The following ZSWIM9 variants were observed in gnomAD, a reference collection of about 807,000 sequenced individuals.
ZSWIM9 encodes uncharacterized protein ZSWIM9.
In ZSWIM9, 11 loss-of-function variants were observed where a neutral mutation model predicts 25.0. The ratio of observed to expected loss-of-function variants is 0.44; its 90% CI spans 0.28 to 0.73. The LOEUF (loss-of-function observed/expected upper bound fraction) is 0.73. ZSWIM9 is among the 30% of genes least tolerant of loss of function. The pLI, the probability that ZSWIM9 is intolerant of heterozygous loss-of-function variation, is 0.16. For missense variants in ZSWIM9, 1,070 were observed against 1,296.5 expected (o/e 0.83, Z 2.68); for synonymous variants, 562 against 582.1 (o/e 0.97, Z 0.50).
intron 2 of ZSWIM9, among the ~76,000 whole-genome samples, chr19:48,177,621 G>A (rs991842801): frequency 6.6e-6 from 1 of 152,178 alleles, no homozygotes; most frequent in African/African-American, 2.4e-5. Context: ...TCTCTGGCAA[G>A]ATTCATGGCT....
intron 2 of ZSWIM9, among the ~76,000 whole-genome samples, chr19:48,180,036 G>C (rs1250137410): frequency 6.6e-6 from 1 of 152,050 alleles, no homozygotes; most frequent in East Asian, 1.9e-4. Flanking sequence ...ATTTATTCTA[G>C]ACGGAGTTTT....
chr19:48,195,074 G>C lies in ZSWIM9; in HGVS notation c.1010G>C (p.Arg337Pro). 7.3e-7 allele frequency: 1 copy of C among 1,377,248 alleles called. No homozygotes were observed. Among genetic ancestry groups the C allele is most frequent in the Non-Finnish European group, 9.3e-7 (1 of 1,075,202 alleles). The allele number at this position is 1,377,248 out of a possible 1,614,324, so 85.3% of individuals were successfully genotyped here. The stretch of plus-strand genomic sequence containing the variant: ...GCGCAGGAGCTGGGCGGCGCCGGCC[G>C]CGAGGACCCGGGCCTGTGGTCGCGC... Reference protein sequence around the residue: ...SKAQELGGAGREDPGLWSRLC... With the variant: ...SKAQELGGAGPEDPGLWSRLC... Residue 337 changes from arginine (R) to proline (P), a missense_variant, in exon 4 of 4, where the codon CGC (arginine) becomes CCC (proline). Physicochemically the swap from Arg to Pro is moderately radical, Grantham distance 103. Coordinates refer to ENST00000614654, the MANE Select transcript of ZSWIM9 (RefSeq NM_199341.4). The surrounding 1 kb of genome is among the most constrained non-coding windows in gnomAD (Gnocchi z 5.8).
chr19:48,180,370 A>G (rs957221656), intron 2 of ZSWIM9, among the ~76,000 whole-genome samples: 7 of 143,414 alleles, frequency 4.9e-5, no homozygotes, highest in Non-Finnish European at 7.6e-5. Context: ...TAGTCTCACT[A>G]TGTTGCCCAG....
rs2036828652 is a variant in ZSWIM9 at position 48,171,973 on chromosome 19, C to T, written c.171C>T (p.Arg57=). Residue 57 remains arginine, a synonymous_variant, in exon 2 of 4, where the codon CGC becomes CGT. Coordinates refer to ENST00000614654, the MANE Select transcript of ZSWIM9 (RefSeq NM_199341.4). ...VKSSMHLARC[R]WASAPPLYTL... is the part of the protein sequence containing the mutation. ...GCTCCATGCACCTGGCGCGCTGCCGCTGGGCCAGTGCGCCCCCGCTCTACA... is the reference window on the plus strand; with the variant it reads ...GCTCCATGCACCTGGCGCGCTGCCGTTGGGCCAGTGCGCCCCCGCTCTACA... 6.5e-7 allele frequency: 1 copy of T among 1,533,966 alleles called. No homozygotes were observed. The highest frequency in any genetic ancestry group is 2.0e-5 in the Admixed American group (1 of 50,802).
chr19:48,174,336 G>A (rs1023007046), intron 2 of ZSWIM9, among the ~76,000 whole-genome samples: 1 of 152,042 alleles, frequency 6.6e-6, no homozygotes, highest in East Asian at 1.9e-4. Context: ...CCCGCCTCAT[G>A]GGGCCATTGT....
In ZSWIM9 at chr19:48,196,033, G is replaced by T; in HGVS notation, c.1969G>T (p.Gly657Trp). The change falls in exon 4 of 4, where the codon GGG (glycine) becomes TGG (tryptophan). Residue 657 changes from glycine (G) to tryptophan (W), a missense_variant. Physicochemically the swap from Gly to Trp is radical, Grantham distance 184 (BLOSUM62 -2). Around this residue, in one of 4 missense-constraint regions of ZSWIM9, gnomAD observed 583 missense variants for 624.7 expected, o/e 0.93. Transcript: ENST00000614654. ...GPQSEVEKGR[G>W]LEVRNLRGIP... ...ACAGTCAGAAGTAGAGAAGGGGAGG[G>T]GGCTGGAGGTCAGAAACTTGAGGGG... is the stretch of plus-strand genomic sequence containing the variant. The T allele has an allele frequency of 7.9e-7, 1 of 1,264,004 alleles. No homozygotes were observed. The highest frequency in any genetic ancestry group is 9.9e-7 in the Non-Finnish European group (1 of 1,006,708). 78.3% of individuals were successfully genotyped at this position (1,264,004 alleles called of 1,614,324 possible). A position where few individuals can be genotyped will look rare whatever the true frequency, so the allele number is the denominator to read the frequency against.
At chr19:48,191,941 C>T (rs1471142459) in intron 3 of ZSWIM9, 2 of 154,756 alleles carry the variant, frequency 1.3e-5, no homozygotes, top group African/African-American at 4.8e-5. Flanking sequence ...ATGGGTGACT[C>T]CAGGCAAGCA....
At chr19:48,189,161 G>T (rs1296744594) in intron 3 of ZSWIM9, among the ~76,000 whole-genome samples, 1 of 152,228 alleles carries the variant, frequency 6.6e-6, no homozygotes, top group African/African-American at 2.4e-5. Flanking sequence ...TCCTGCAGAT[G>T]TAGTTGCACA....
chr19:48,188,713 T>C (rs774411308), intron 3 of ZSWIM9, among the ~76,000 whole-genome samples: 47 of 152,158 alleles, frequency 3.1e-4, no homozygotes, highest in Middle Eastern at 6.8e-3. Context: ...ATGGCGAGCA[T>C]TGATGCAAGT....
intron 2 of ZSWIM9, among the ~76,000 whole-genome samples, chr19:48,180,517 T>C (rs2036936806): frequency 6.6e-6 from 1 of 152,024 alleles, no homozygotes; most frequent in Non-Finnish European, 1.5e-5. Context: ...TTTGATCCTC[T>C]TACTTCCCTC....
chr19:48,171,262 A>G (rs1195889079), intron 1 of ZSWIM9: 2 of 985,230 alleles, frequency 2.0e-6, no homozygotes, highest in Admixed American at 6.2e-5. Flanking sequence ...GAAGCATGTG[A>G]CCGGGTGAGG....
intron 2 of ZSWIM9, among the ~76,000 whole-genome samples, chr19:48,176,483 A>G (rs1334418520): frequency 1.3e-5 from 2 of 152,138 alleles, no homozygotes. Flanking sequence ...AGGGAAAACC[A>G]GGGTCTGGAC....
Position 48,195,788 on chromosome 19 carries a change from A to G in ZSWIM9, c.1724A>G (p.Tyr575Cys), listed in dbSNP as rs866229017. ...GAGAAAGATTGGGGACTGGAAGGTTATGTCTGGAGGGGGTCCCAGTTGGAG... is the reference window on the plus strand; with the variant it reads ...GAGAAAGATTGGGGACTGGAAGGTTGTGTCTGGAGGGGGTCCCAGTTGGAG... ...EGEKDWGLEG[Y>C]VWRGSQLEDQ... The change falls in exon 4 of 4, where the codon TAT becomes TGT. Residue 575 changes from tyrosine (Y) to cysteine (C), a missense_variant. Tyr to Cys is a radical substitution (Grantham distance 194). Coordinates refer to ENST00000614654, the MANE Select transcript of ZSWIM9 (RefSeq NM_199341.4). The surrounding 1 kb of genome is among the most constrained non-coding windows in gnomAD (Gnocchi z 5.8). 1 of 1,498,386 alleles carries G rather than the reference A, an allele frequency of 6.7e-7. No individual in the cohort carries two copies. The highest frequency in any genetic ancestry group is 8.8e-7 in the Non-Finnish European group (1 of 1,130,186). The allele number at this position is 1,498,386 out of a possible 1,614,324, so 92.8% of individuals were successfully genotyped here. A position where few individuals can be genotyped will look rare whatever the true frequency, so the allele number is the denominator to read the frequency against.
At chr19:48,179,415 C>T (rs952037421) in intron 2 of ZSWIM9, among the ~76,000 whole-genome samples, 2 of 152,102 alleles carry the variant, frequency 1.3e-5, no homozygotes, top group Admixed American at 6.6e-5. Flanking sequence ...GTGAAGTGAT[C>T]CTCCTGCCTC....
intron 2 of ZSWIM9, chr19:48,180,784 T>G (rs1599925122): frequency 6.9e-6 from 1 of 145,970 alleles, no homozygotes; most frequent in East Asian, 2.0e-4. Flanking sequence ...TGAGACAGGG[T>G]CTCGCTCTGT....
At chr19:48,193,515 G>C (rs868337937) in intron 3 of ZSWIM9, among the ~76,000 whole-genome samples, 1 of 152,220 alleles carries the variant, frequency 6.6e-6, no homozygotes, top group Non-Finnish European at 1.5e-5. Flanking sequence ...CCATCCCGAA[G>C]GGGAACATCC....
chr19:48,182,871 C>T lies in ZSWIM9; in HGVS notation c.588+104C>T, dbSNP rs979785393. 8.6e-6 allele frequency: 7 copies of T among 815,782 alleles called. No homozygotes were observed. The highest frequency in any genetic ancestry group is 1.3e-5 in the Non-Finnish European group (7 of 530,438). 50.5% of individuals were successfully genotyped at this position (815,782 alleles called of 1,614,324 possible). ...CATCCGCCCTCTCATCCCTTCACTC[C>T]TTTCCTCCATTCATCCGTTCATTCA... On this transcript the variant is annotated intron_variant, in intron 3 of 3. Transcript: ENST00000614654. This position sits in a 1 kb window ranked among gnomAD's most constrained non-coding sequence, Gnocchi z 4.6.
At chr19:48,183,308 T>C (rs1222772844) in intron 3 of ZSWIM9, among the ~76,000 whole-genome samples, 1 of 152,064 alleles carries the variant, frequency 6.6e-6, no homozygotes, top group African/African-American at 2.4e-5. Context: ...TTTGTATTTT[T>C]AGTAGAGACG....
At chr19:48,186,244 G>A (rs58208007) in intron 3 of ZSWIM9, among the ~76,000 whole-genome samples, 16 of 149,638 alleles carry the variant, frequency 1.1e-4, no homozygotes, top group East Asian at 3.9e-4. Context: ...TTTCTGCCCC[G>A]CCACCCCCCA....
Sources: allele counts gnomAD v4.1 joint callset (sites outside exome capture counted in the v4.1 genomes callset), GRCh38; gene constraint gnomAD v4.1.1; regional missense constraint gnomAD v4.1.1; non-coding constraint Gnocchi (gnomAD v3.1); transcripts MANE v1.5; gene names NCBI Gene and HGNC (gene_info 2026-07-23, HGNC 2026-07-21).